IGSF21: variants seen among roughly 807,000 people sequenced by gnomAD.
The protein encoded by IGSF21 is immunoglobulin superfamily member 21.
In IGSF21, 28 loss-of-function variants were observed where a neutral mutation model predicts 46.8. That is an observed-to-expected ratio of 0.60 (90% CI 0.44 to 0.82). The LOEUF is 0.82. Among genes scored for constraint, IGSF21 ranks in the 40% least tolerant of loss-of-function variants. The pLI, the probability that IGSF21 is intolerant of heterozygous loss-of-function variation, is 0.00. For missense variants in IGSF21, 624 were observed against 665.5 expected (o/e 0.94, Z 0.69); for synonymous variants, 284 against 273.6 (o/e 1.04, Z -0.38).
intron 2 of IGSF21, among the ~76,000 whole-genome samples, chr1:18,289,172 T>C (rs1202067562): frequency 6.6e-6 from 1 of 151,248 alleles, no homozygotes; most frequent in African/African-American, 2.4e-5. Flanking sequence ...AAAAATGGAG[T>C]GAAATTTGAG....
chr1:18,228,691 G>C (rs908546850), intron 2 of IGSF21, among the ~76,000 whole-genome samples: 1 of 152,206 alleles, frequency 6.6e-6, no homozygotes, highest in South Asian at 2.1e-4. Flanking sequence ...GGTCCAGGGG[G>C]CAGTGATGCT....
chr1:18,359,383 A>AAAGAAAGAAAGG (rs1557659626), intron 4 of IGSF21, among the ~76,000 whole-genome samples: 112 of 61,062 alleles, frequency 1.8e-3, no homozygotes, highest in Admixed American at 2.6e-3. Context: ...AGAAAGAAAG[A>AAAGAAAGAAAGG]AAGGAAGGAA....
At chr1:18,116,804 A>G (rs572732242) in intron 1 of IGSF21, among the ~76,000 whole-genome samples, 1 of 152,374 alleles carries the variant, frequency 6.6e-6, no homozygotes, top group South Asian at 2.1e-4. Flanking sequence ...TGGCCCAGGA[A>G]GGCTCTGAAG....
chr1:18,377,160 C>G (rs1440747362), intron 8 of IGSF21, among the ~76,000 whole-genome samples, 168 bp downstream of exon 8: 1 of 152,178 alleles, frequency 6.6e-6, no homozygotes, highest in Non-Finnish European at 1.5e-5. Context: ...TCAGTGGTTA[C>G]AACTATAAAT....
chr1:18,227,815 C>T, intron 1 of IGSF21, 83 bp from the exon 2 acceptor site: 2 of 932,936 alleles, frequency 2.1e-6, no homozygotes, highest in Non-Finnish European at 3.5e-6. Context: ...CCTCTGTCTG[C>T]TGTCTCCCTG....
chr1:18,221,470 C>A (rs1570352437), intron 1 of IGSF21, among the ~76,000 whole-genome samples: 1 of 152,188 alleles, frequency 6.6e-6, no homozygotes. Context: ...GACACATCCC[C>A]TTGGAGCTGG....
chr1:18,319,657 C>T (rs2085581107), intron 3 of IGSF21, among the ~76,000 whole-genome samples: 1 of 152,200 alleles, frequency 6.6e-6, no homozygotes, highest in Non-Finnish European at 1.5e-5. Flanking sequence ...AGTTTTGGTA[C>T]TTAATATAAG....
intron 1 of IGSF21, among the ~76,000 whole-genome samples, chr1:18,144,712 G>A (rs913043064): frequency 5.3e-5 from 8 of 151,764 alleles, no homozygotes; most frequent in African/African-American, 1.5e-4. Flanking sequence ...ATCTGAGAAC[G>A]GTCAGCCAGA....
intron 2 of IGSF21, among the ~76,000 whole-genome samples, chr1:18,249,832 C>T (rs72655157): frequency 0.039 from 5,979 of 152,290 alleles, 344 homozygotes; most frequent in Admixed American, 0.15. Flanking sequence ...AGTCAGACTG[C>T]ACCCCAGGCC....
intron 8 of IGSF21, 55 bp downstream of exon 8, chr1:18,377,047 TG>T: frequency 6.6e-7 from 1 of 1,520,888 alleles, no homozygotes; most frequent in African/African-American, 1.4e-5. Flanking sequence ...GGGTCCTGTC[TG>T]GGAGGTTTCC....
intron 1 of IGSF21, among the ~76,000 whole-genome samples, chr1:18,180,545 C>CA (rs1298695303): frequency 6.6e-6 from 1 of 151,952 alleles, no homozygotes; most frequent in Non-Finnish European, 1.5e-5. Flanking sequence ...AAGGTTTGAG[C>CA]AAAAAAGTGG....
Position 18,108,197 on chromosome 1 carries a change from C to G in IGSF21, c.69C>G (p.Arg23=), listed in dbSNP as rs1390289845. The change falls in exon 1 of 10, where the codon CGC becomes CGG. Residue 23 remains arginine, a splice_region_variant and synonymous_variant. Transcript: ENST00000251296. ...TCGCCGCGATCCTGGACCTGGCGCG[C>G]GGTGAGTGCGCGGGCGCCTGGCGGG... ...LLLAAILDLA[R]GYLTVNIEPL... 7.0e-7 allele frequency: 1 copy of G among 1,427,060 alleles called. No homozygotes were observed. The allele number at this position is 1,427,060 out of a possible 1,614,324, so 88.4% of individuals were successfully genotyped here. A position where few individuals can be genotyped will look rare whatever the true frequency, so the allele number is the denominator to read the frequency against.
At position 18,305,242 on chromosome 1, in the gene IGSF21, ATGGATGGATGCATGGATGGTGGATGGG is replaced by A. The variant is rs1334470243; in HGVS notation, c.305+13266_305+13292del. Among the ~76,000 whole-genome samples, 4 of 151,800 alleles carry A rather than the reference ATGGATGGATGCATGGATGGTGGATGGG, an allele frequency of 2.6e-5. No individual in the cohort carries two copies. In the East Asian group the frequency reaches 7.8e-4, roughly 30 times the overall value. ...GGATGGATGGACGATGGATGAATCG[ATGGATGGATGCATGGATGGTGGATGGG>A]TGGATGGATGAATGGATAGATGGAT... On this transcript the variant is annotated intron_variant, in intron 3 of 9. Coordinates refer to ENST00000251296, the MANE Select transcript of IGSF21 (RefSeq NM_032880.5).
intron 4 of IGSF21, among the ~76,000 whole-genome samples, chr1:18,348,269 C>T (rs992616828): frequency 6.6e-6 from 1 of 152,228 alleles, no homozygotes; most frequent in Non-Finnish European, 1.5e-5. Flanking sequence ...CCTGAGCCAA[C>T]TGAAGGGATT....
At chr1:18,179,762 C>T (rs2086838786) in intron 1 of IGSF21, among the ~76,000 whole-genome samples, 1 of 152,088 alleles carries the variant, frequency 6.6e-6, no homozygotes, top group Non-Finnish European at 1.5e-5. Context: ...GATCTGGAAA[C>T]TCAGATCCCA....
chr1:18,206,652 A>G (rs1284807383), intron 1 of IGSF21, among the ~76,000 whole-genome samples: 3 of 152,118 alleles, frequency 2.0e-5, no homozygotes, highest in Non-Finnish European at 4.4e-5. Flanking sequence ...AAAGAGTCCA[A>G]TGTAGCTGGA....
chr1:18,324,991 G>A (rs1437651030), intron 3 of IGSF21, among the ~76,000 whole-genome samples: 1 of 152,232 alleles, frequency 6.6e-6, no homozygotes. Context: ...GGGAGGATGA[G>A]ACAATTTGCT....
chr1:18,188,161 T>A (rs1210375508), intron 1 of IGSF21, among the ~76,000 whole-genome samples: 1 of 152,068 alleles, frequency 6.6e-6, no homozygotes, highest in East Asian at 1.9e-4. Context: ...ATATTTTGAC[T>A]TTTTCTGAAA....
At chr1:18,130,154 A>G (rs2086305313) in intron 1 of IGSF21, among the ~76,000 whole-genome samples, 1 of 152,138 alleles carries the variant, frequency 6.6e-6, no homozygotes, top group East Asian at 1.9e-4. Flanking sequence ...TGCTCTAAGC[A>G]CTGGACACCA....
Sources: allele counts gnomAD v4.1 joint callset (sites outside exome capture counted in the v4.1 genomes callset), GRCh38; gene constraint gnomAD v4.1.1; transcripts MANE v1.5; gene names NCBI Gene and HGNC (gene_info 2026-07-23, HGNC 2026-07-21).